Variants in PWP1 observed in about 807,000 individuals in gnomAD.
PWP1 encodes the protein periodic tryptophan protein 1 homolog.
In PWP1, 47 loss-of-function variants were observed where a neutral mutation model predicts 69.9. The observed-to-expected ratio is 0.67, with a 90% CI of 0.53 to 0.86. The LOEUF (loss-of-function observed/expected upper bound fraction) is 0.86. Among genes scored for constraint, PWP1 ranks in the 40% least tolerant of loss-of-function variants. The pLI is 0.00. For missense variants in PWP1, 551 were observed against 608.8 expected (o/e 0.91, Z 1.00); for synonymous variants, 222 against 208.2 (o/e 1.07, Z -0.57).
chr12:107,686,184 T>C, intron 1 of PWP1: 4 of 603,246 alleles, frequency 6.6e-6, no homozygotes, highest in Admixed American at 2.9e-5. Flanking sequence ...GCCTTCTCAC[T>C]GTTCCCACCC....
Position 107,688,435 on chromosome 12 carries a change from T to G in PWP1, c.73-13T>G. On this transcript the variant is annotated splice_polypyrimidine_tract_variant and intron_variant, in intron 1 of 14. Transcript: ENST00000412830. ...CTTACACATATTGTAATGAAATCTT[T>G]GCTCTCTTACAGGTAGAGCTGAGTA... The G allele has an allele frequency of 3.8e-6, 6 of 1,596,984 alleles. No individual in the cohort carries two copies. Among genetic ancestry groups the G allele is most frequent in the Non-Finnish European group, 5.1e-6 (6 of 1,174,956 alleles).
At chr12:107,696,179 C>T (rs1325633823) in intron 5 of PWP1, among the ~76,000 whole-genome samples, 1 of 151,958 alleles carries the variant, frequency 6.6e-6, no homozygotes, top group Admixed American at 6.6e-5. Flanking sequence ...ACTACAGGCA[C>T]GTACCACCAC....
At chr12:107,690,205 A>G (rs1889452920) in intron 3 of PWP1, among the ~76,000 whole-genome samples, 2 of 152,146 alleles carry the variant, frequency 1.3e-5, no homozygotes, top group Admixed American at 1.3e-4. Context: ...TGTTAAATTG[A>G]TGGTTAAAAT....
At chr12:107,695,228 T>C (rs1205810408) in intron 5 of PWP1, among the ~76,000 whole-genome samples, 2 of 151,770 alleles carry the variant, frequency 1.3e-5, no homozygotes, top group Non-Finnish European at 2.9e-5. Flanking sequence ...ATCGTGTCAC[T>C]GCACTCCAGC....
chr12:107,696,657 A>G lies in PWP1; in HGVS notation c.613+73A>G, dbSNP rs893254678. 6 of 1,582,726 alleles carry G rather than the reference A, an allele frequency of 3.8e-6. No individual in the cohort carries two copies. The African/African-American group carries it at 8.2e-5, about 22-fold the overall frequency. ...TTTCTCCTAGCTCCATAAATTATGTATTCTCTTGAATGTTTTCAGAATTGT... is the reference window on the plus strand; with the variant it reads ...TTTCTCCTAGCTCCATAAATTATGTGTTCTCTTGAATGTTTTCAGAATTGT... On this transcript the variant is annotated intron_variant, in intron 6 of 14. Coordinates refer to ENST00000412830, the MANE Select transcript of PWP1 (RefSeq NM_007062.3).
chr12:107,711,385 A>G (rs1191128252), intron 14 of PWP1, among the ~76,000 whole-genome samples: 1 of 152,198 alleles, frequency 6.6e-6, no homozygotes, highest in Non-Finnish European at 1.5e-5. Flanking sequence ...GTTTATGGCC[A>G]GATTTTGGGG....
Position 107,688,681 on chromosome 12 carries a change from A to G in PWP1, c.198A>G (p.Ala66=), listed in dbSNP as rs139981282. Residue 66 remains alanine (A), a synonymous_variant, in exon 3 of 15, where the codon GCA becomes GCG. Transcript: ENST00000412830. ...GSPSEDGMQS[A]RTQARPREPL... ...CTTCAGAAGATGGCATGCAGAGTGC[A>G]CGCACCCAGGCACGCCCAAGAGAGC... 2.9e-5 allele frequency: 47 copies of G among 1,614,234 alleles called. No individual in the cohort carries two copies. The East Asian group carries it at 8.5e-4, about 29-fold the overall frequency.
chr12:107,704,654 C>G lies in PWP1; in HGVS notation c.984C>G (p.Asp328Glu). 6.2e-7 allele frequency: 1 copy of G among 1,613,930 alleles called. No individual in the cohort carries two copies. Among genetic ancestry groups the G allele is most frequent in the South Asian group, 1.1e-5 (1 of 91,064 alleles). Residue 328 changes from aspartate to glutamate, a missense_variant, in exon 11 of 15, where the codon GAC (aspartate) becomes GAG (glutamate). Coordinates refer to ENST00000412830, the MANE Select transcript of PWP1 (RefSeq NM_007062.3). The part of the protein sequence containing the change: ...GSYDKSVALY[D>E]CRSPDESHRM... Reference sequence around the variant, plus strand: ...TGTCTAGGTCAGTGGCTTTGTATGACTGCCGAAGTCCAGATGAAAGCCATC... The same window carrying G: ...TGTCTAGGTCAGTGGCTTTGTATGAGTGCCGAAGTCCAGATGAAAGCCATC...
intron 8 of PWP1, 38 bp downstream of exon 8, chr12:107,699,472 G>A: frequency 6.5e-7 from 1 of 1,534,336 alleles, no homozygotes; most frequent in Non-Finnish European, 9.0e-7. Flanking sequence ...GTAAAAGACT[G>A]TAGCCATTGT....
intron 8 of PWP1, among the ~76,000 whole-genome samples, chr12:107,699,842 T>A (rs1265572250): frequency 6.6e-6 from 1 of 152,206 alleles, no homozygotes; most frequent in East Asian, 1.9e-4. Context: ...AGTTAACACT[T>A]GTATTAGTCT....
chr12:107,693,129 T>G (rs1209226310), intron 5 of PWP1, 33 bp downstream of exon 5: 1 of 1,568,292 alleles, frequency 6.4e-7, no homozygotes, highest in Non-Finnish European at 8.6e-7. Flanking sequence ...AAAGATTTTC[T>G]AAGTGATGGT....
chr12:107,700,496 T>A (rs1889686630), intron 8 of PWP1, among the ~76,000 whole-genome samples: 1 of 152,242 alleles, frequency 6.6e-6, no homozygotes, highest in South Asian at 2.1e-4. Flanking sequence ...CATGTTCCAA[T>A]AAGTGTCAGA....
At chr12:107,687,697 T>C (rs1889396603) in intron 1 of PWP1, among the ~76,000 whole-genome samples, 1 of 152,016 alleles carries the variant, frequency 6.6e-6, no homozygotes, top group African/African-American at 2.4e-5. Context: ...GCCCAGGAGT[T>C]CACAGCTGCA....
Position 107,709,105 on chromosome 12 carries a change from C to T in PWP1, c.1169-6C>T. The stretch of plus-strand genomic sequence containing the variant: ...AGCGAAAGTGTCTAAACTTATCTTC[C>T]TTTAGGTCTTGATCTTAGCAGTCAA... On this transcript the variant is annotated splice_region_variant and splice_polypyrimidine_tract_variant and intron_variant, in intron 12 of 14. Transcript: ENST00000412830. 1 of 1,613,866 alleles carries T rather than the reference C, an allele frequency of 6.2e-7. No individual in the cohort carries two copies. Among genetic ancestry groups the T allele is most frequent in the East Asian group, 2.2e-5 (1 of 44,862 alleles).
rs1351280511 is a variant in PWP1 at position 107,685,946 on chromosome 12, G to C, written c.47G>C (p.Gly16Ala). 1 of 1,613,830 alleles carries C rather than the reference G, an allele frequency of 6.2e-7. No homozygotes were observed. The highest frequency in any genetic ancestry group is 1.7e-5 in the Admixed American group (1 of 60,016). Residue 16 changes from glycine to alanine, a missense_variant, in exon 1 of 15, where the codon GGC (glycine) becomes GCC (alanine). Physicochemically the swap from Gly to Ala is moderately conservative, Grantham distance 60. Transcript: ENST00000412830. ...QVTCVAWVRC[G>A]VAKETPDKVE... The stretch of plus-strand genomic sequence containing the variant: ...ACGTGCGTGGCCTGGGTCCGCTGCG[G>C]CGTGGCCAAAGAGACACCAGACAAG...
rs528330584 is a variant in PWP1, at chr12:107,687,767, C to T, written c.73-681C>T. On this transcript the variant is annotated intron_variant, in intron 1 of 14. Transcript: ENST00000412830. ...AAAATTAAGGCCGGGCACGGTGGCT[C>T]ACGCCTGTAATCCCAGCACTTTGGG... 3.3e-5 allele frequency among the ~76,000 whole-genome samples: 5 copies of T among 152,176 alleles called. No homozygotes were observed. In the South Asian group the frequency reaches 6.2e-4, roughly 19 times the overall value.
In PWP1 at chr12:107,712,640, C is replaced by G. The variant is rs1391615932; in HGVS notation, c.*420C>G. 6.5e-6 allele frequency: 1 copy of G among 154,982 alleles called. No individual in the cohort carries two copies. Among genetic ancestry groups the G allele is most frequent in the Non-Finnish European group, 1.4e-5 (1 of 69,928 alleles). 9.6% of individuals were successfully genotyped at this position (154,982 alleles called of 1,614,324 possible). On this transcript the variant is annotated 3_prime_UTR_variant, in exon 15 of 15. Transcript: ENST00000412830. ...GAGGCCATGAACAGAGGCAAGTGCC[C>G]CAGAGACTCCACTTTCATTCCTAAC...
chr12:107,706,345 G>T (rs931114220), intron 11 of PWP1, among the ~76,000 whole-genome samples: 5 of 152,128 alleles, frequency 3.3e-5, no homozygotes, highest in Non-Finnish European at 2.9e-5. Flanking sequence ...TCTGTAGGTT[G>T]CCTGTTCACT....
intron 11 of PWP1, among the ~76,000 whole-genome samples, chr12:107,706,969 G>C (rs1889836615): frequency 1.3e-5 from 2 of 152,252 alleles, no homozygotes; most frequent in South Asian, 4.1e-4. Flanking sequence ...GGATGGCATT[G>C]AATCTACAAA....
Sources: allele counts gnomAD v4.1 joint callset (sites outside exome capture counted in the v4.1 genomes callset), GRCh38; gene constraint gnomAD v4.1.1; transcripts MANE v1.5; gene names NCBI Gene and HGNC (gene_info 2026-07-23, HGNC 2026-07-21).